PCDHGA10: variants seen among roughly 807,000 people sequenced by gnomAD.
PCDHGA10 encodes protocadherin gamma-A10.
A neutral mutation model predicts 59.5 loss-of-function variants in PCDHGA10; 42 were observed. That is an observed-to-expected ratio of 0.71 (90% CI 0.55 to 0.91). The LOEUF (loss-of-function observed/expected upper bound fraction) is 0.91. PCDHGA10 is among the 40% of genes least tolerant of loss of function. The pLI is 0.00. For synonymous variants in PCDHGA10, 511 were observed against 517.2 expected, an observed-to-expected ratio of 0.99 and a Z score of 0.16; for missense variants, 1,111 against 1,198.2, an observed-to-expected ratio of 0.93 and a Z score of 1.07.
Position 141,413,574 on chromosome 5 carries a change from T to C in PCDHGA10, c.399T>C (p.Asn133=), listed in dbSNP as rs773380895. ...TAGAAGTAACTGATATCAATGACAA[T>C]GCTCCAAAATTCCAAGCAGAAAATC... The part of the protein sequence containing the change: ...IEIEVTDIND[N]APKFQAENLD... Residue 133 remains asparagine (N), a synonymous_variant, in exon 1 of 4, where the codon AAT becomes AAC. Transcript: ENST00000398610. 7.4e-6 allele frequency: 12 copies of C among 1,613,714 alleles called. No homozygotes were observed. Among genetic ancestry groups the C allele is most frequent in the Admixed American group, 1.7e-5 (1 of 60,004 alleles).
intron 1 of PCDHGA10, among the ~76,000 whole-genome samples, chr5:141,467,109 A>G (rs1431550069): frequency 2.0e-5 from 3 of 150,594 alleles, no homozygotes; most frequent in African/African-American, 4.9e-5. Context: ...CTGGAGTACA[A>G]TGGTGCAATC....
At chr5:141,509,692 C>T (rs755446680) in intron 3 of PCDHGA10, among the ~76,000 whole-genome samples, 8 of 152,126 alleles carry the variant, frequency 5.3e-5, no homozygotes, top group Non-Finnish European at 1.0e-4. Context: ...TACAGTGGGA[C>T]GTTGGACTGG....
chr5:141,494,676 C>G, intron 1 of PCDHGA10, 131 bp from the exon 2 acceptor site: 1 of 1,550,918 alleles, frequency 6.4e-7, no homozygotes, highest in African/African-American at 1.4e-5. Context: ...GAGTCCACCC[C>G]TGCCCCCTCT....
chr5:141,423,310 G>C, intron 1 of PCDHGA10: 2 of 1,614,180 alleles, frequency 1.2e-6, no homozygotes, highest in Non-Finnish European at 1.7e-6. Context: ...GCTGTACTTG[G>C]TGGTGGCGGT....
intron 1 of PCDHGA10, among the ~76,000 whole-genome samples, chr5:141,468,088 G>T (rs186503104): frequency 6.6e-6 from 1 of 152,186 alleles, no homozygotes; most frequent in East Asian, 1.9e-4. Context: ...ACTTTGGGAG[G>T]TTGAGGCAGG....
intron 1 of PCDHGA10, among the ~76,000 whole-genome samples, chr5:141,474,029 C>T (rs1047673843): frequency 6.6e-6 from 1 of 152,092 alleles, no homozygotes; most frequent in Non-Finnish European, 1.5e-5. Context: ...ATGATTATTC[C>T]ACTGTACTCC....
At chr5:141,508,732 C>A (rs1037039751) in intron 3 of PCDHGA10, among the ~76,000 whole-genome samples, 3 of 151,880 alleles carry the variant, frequency 2.0e-5, no homozygotes, top group Non-Finnish European at 4.4e-5. Flanking sequence ...GGAGACTACA[C>A]CCCCCACCCC....
chr5:141,439,636 G>A (rs114401133), intron 1 of PCDHGA10, among the ~76,000 whole-genome samples: 27 of 152,206 alleles, frequency 1.8e-4, no homozygotes, highest in Non-Finnish European at 2.9e-4. Context: ...CAGACATTCC[G>A]GCTTGGTGGC....
chr5:141,427,766 G>A lies in PCDHGA10; in HGVS notation c.2436+12155G>A, dbSNP rs549550151. The A allele has an allele frequency of 1.1e-4, 152 of 1,386,456 alleles. No homozygotes were observed. In the African/African-American group the frequency reaches 1.8e-3, roughly 17 times the overall value. The allele number at this position is 1,386,456 out of a possible 1,614,324, so 85.9% of individuals were successfully genotyped here. ...CCTACTCCATCGTTACCACTGACTT[G>A]GAGCTGCGGGCACTGTCGTCCTACG... On this transcript the variant is annotated intron_variant, in intron 1 of 3. Transcript: ENST00000398610.
chr5:141,491,763 T>C lies in PCDHGA10; in HGVS notation c.2437-3044T>C. 1 of 1,570,222 alleles carries C rather than the reference T, an allele frequency of 6.4e-7. No homozygotes were observed. Among genetic ancestry groups the C allele is most frequent in the Non-Finnish European group, 8.6e-7 (1 of 1,159,286 alleles). Reference sequence around the variant, plus strand: ...GCGGCACTGGAGAAGCCGCCCGTCCTCATAAGGGATTGAACTTGCATCCAC... The same window carrying C: ...GCGGCACTGGAGAAGCCGCCCGTCCCCATAAGGGATTGAACTTGCATCCAC... On this transcript the variant is annotated intron_variant, in intron 1 of 3. Coordinates refer to ENST00000398610, the MANE Select transcript of PCDHGA10 (RefSeq NM_018913.3). The surrounding 1 kb of genome is among the most constrained non-coding windows in gnomAD (Gnocchi z 6.9).
chr5:141,423,573 C>G, intron 1 of PCDHGA10: 1 of 1,613,488 alleles, frequency 6.2e-7, no homozygotes, highest in South Asian at 1.1e-5. Context: ...CGCTCATCAG[C>G]CAGGAGAGCT....
Position 141,432,492 on chromosome 5 carries a change from C to G in PCDHGA10, c.2436+16881C>G. The G allele has an allele frequency of 6.2e-7, 1 of 1,614,168 alleles. No individual in the cohort carries two copies. The highest frequency in any genetic ancestry group is 8.5e-7 in the Non-Finnish European group (1 of 1,180,040). On this transcript the variant is annotated intron_variant, in intron 1 of 3. Transcript: ENST00000398610. This position sits in a 1 kb window ranked among gnomAD's most constrained non-coding sequence, Gnocchi z 6.0. Reference sequence around the variant, plus strand: ...GACGGTTCCACTGGCGTGGAGCTGGCTCCCCGCTCCGCAGAGCCCGGCTAC... The same window carrying G: ...GACGGTTCCACTGGCGTGGAGCTGGGTCCCCGCTCCGCAGAGCCCGGCTAC...
chr5:141,471,846 T>C (rs2099265433), intron 1 of PCDHGA10, among the ~76,000 whole-genome samples: 1 of 152,180 alleles, frequency 6.6e-6, no homozygotes. Context: ...AATAAAATAT[T>C]CAGAAAAAGC....
chr5:141,489,335 G>T lies in PCDHGA10; in HGVS notation c.2437-5472G>T. On this transcript the variant is annotated intron_variant, in intron 1 of 3. Transcript: ENST00000398610. This position sits in a 1 kb window ranked among gnomAD's most constrained non-coding sequence, Gnocchi z 4.5. ...TGGGGCTGGGTGTCTGGGCAGCTTC[G>T]TTACTCAGTGGTGGAGGAGTCTGAG... 1.2e-6 allele frequency: 2 copies of T among 1,607,364 alleles called. No individual in the cohort carries two copies. The highest frequency in any genetic ancestry group is 1.7e-6 in the Non-Finnish European group (2 of 1,175,842).
chr5:141,426,418 T>C (rs1445827088), intron 1 of PCDHGA10: 2 of 288,504 alleles, frequency 6.9e-6, no homozygotes, highest in Non-Finnish European at 1.4e-5. Flanking sequence ...GGTCCAGGGC[T>C]CCGTGGTGGG....
chr5:141,478,376 C>T, intron 1 of PCDHGA10: 4 of 1,613,672 alleles, frequency 2.5e-6, no homozygotes, highest in Non-Finnish European at 3.4e-6. Flanking sequence ...CCTGATGTCG[C>T]CGCACCTTTA....
intron 2 of PCDHGA10, among the ~76,000 whole-genome samples, chr5:141,501,018 G>A (rs1337771734): frequency 2.0e-5 from 3 of 151,882 alleles, no homozygotes; most frequent in East Asian, 1.9e-4. Context: ...ACAGGCACGC[G>A]CCACCACGCC....
rs11343387 is a variant in PCDHGA10 at position 141,497,209 on chromosome 5, TGG to T, written c.2495+2352_2495+2353del. On this transcript the variant is annotated intron_variant, in intron 2 of 3. Transcript: ENST00000398610. ...GAGGCAGAGAACAATGTGAGTGTAATGGGGGGGGGAAGATCAGAGAAGGCTTC... is the reference window on the plus strand; with the variant it reads ...GAGGCAGAGAACAATGTGAGTGTAATGGGGGGGAAGATCAGAGAAGGCTTC... Among the ~76,000 whole-genome samples the T allele has an allele frequency of 3.8e-3, 569 of 151,352 alleles. 5 individuals are homozygous for T. Among genetic ancestry groups the T allele is most frequent in the Admixed American group, 0.011 (162 of 15,190 alleles).
intron 1 of PCDHGA10, chr5:141,423,517 T>G (rs750915364): frequency 1.9e-6 from 3 of 1,613,716 alleles, no homozygotes; most frequent in Non-Finnish European, 2.5e-6. Flanking sequence ...CATTGCGGAC[T>G]CGCAGAAGAG....
Sources: gnomAD v4.1 joint callset for allele counts (sites outside exome capture counted in the v4.1 genomes callset) on GRCh38, gnomAD v4.1.1 for gene constraint, Gnocchi (gnomAD v3.1) non-coding constraint, MANE v1.5 for transcripts, NCBI Gene and HGNC (gene_info 2026-07-23, HGNC 2026-07-21) for gene names.